Variants in AKAP4 observed in about 807,000 individuals in gnomAD.
AKAP4 encodes A-kinase anchoring protein 4, also known as A-kinase anchor protein 4.
AKAP4 carries 4 observed loss-of-function variants against 42.6 expected under a neutral mutation model. The ratio of observed to expected loss-of-function variants is 0.09; its 90% CI spans 0.05 to 0.22. AKAP4 has a LOEUF of 0.22. AKAP4 is among the 10% of genes least tolerant of loss of function. The probability of loss-of-function intolerance (pLI) is 1.00; values close to 1 mark genes in which losing one functional copy is unlikely to be tolerated. For synonymous variants in AKAP4, 223 were observed against 233.0 expected (o/e 0.96, Z 0.39); for missense variants, 551 against 630.7 (o/e 0.87, Z 1.35).
intron 3 of AKAP4, 76 bp from the exon 4 acceptor site, chrX:50,197,068 T>A: frequency 1.4e-6 from 1 of 704,913 alleles, no homozygotes; most frequent in Middle Eastern, 3.0e-4. Context: ...AGGCTATGAC[T>A]TCAAATCATG....
intron 5 of AKAP4, among the ~76,000 whole-genome samples, chrX:50,191,659 TGAGAGAGAGAAA>T: frequency 2.3e-5 from 1 of 43,628 alleles, no homozygotes; most frequent in South Asian, 1.8e-3. Context: ...TGTGTGTGTG[TGAGAGAGAGAAA>T]GAGAGAGAGA....
intron 2 of AKAP4, 150 bp downstream of exon 2, chrX:50,198,507 G>A: frequency 2.4e-6 from 1 of 420,816 alleles, no homozygotes; most frequent in Non-Finnish European, 4.2e-6. Context: ...TGTGATGTAT[G>A]AGCATGCTGG....
intron 1 of AKAP4, 54 bp from the exon 2 acceptor site, chrX:50,198,806 C>T (rs1277715430): frequency 2.1e-5 from 20 of 973,263 alleles, no homozygotes; most frequent in Non-Finnish European, 2.7e-5. Flanking sequence ...TTTTGGAAAC[C>T]GGGTCAATTT....
chrX:50,194,058 A>G lies in AKAP4; in HGVS notation c.655T>C (p.Phe219Leu). Residue 219 changes from phenylalanine to leucine, a missense_variant, in exon 5 of 6, where the codon TTC (phenylalanine) becomes CTC (leucine). Physicochemically the swap from Phe to Leu is conservative, Grantham distance 22. Coordinates refer to ENST00000358526, the MANE Select transcript of AKAP4 (RefSeq NM_003886.3). The part of the protein sequence containing the change: ...DGECSIDDLS[F>L]YVNRLSSLVI... The stretch of plus-strand genomic sequence containing the variant: ...AGAGAAGATAGTCGGTTGACGTAGA[A>G]GGAAAGGTCATCTATAGAACATTCT... The G allele has an allele frequency of 8.3e-7, 1 of 1,211,726 alleles. No homozygotes were observed. The highest frequency in any genetic ancestry group is 1.8e-5 in the South Asian group (1 of 56,965).
At chrX:50,191,619 G>GGGGT (rs1935109384) in intron 5 of AKAP4, among the ~76,000 whole-genome samples, 1 of 85,785 alleles carries the variant, frequency 1.2e-5, no homozygotes, top group South Asian at 6.7e-4. Flanking sequence ...CTGTCAGATA[G>GGGGT]GTGTGTGTGT....
chrX:50,191,143 T>C lies in AKAP4; in HGVS notation c.2410-28A>G, dbSNP rs782154734. 14 of 1,197,860 alleles carry C rather than the reference T, an allele frequency of 1.2e-5. No homozygotes were observed. The East Asian group carries it at 3.6e-4, about 31-fold the overall frequency. On this transcript the variant is annotated intron_variant, in intron 5 of 5. Coordinates refer to ENST00000358526, the MANE Select transcript of AKAP4 (RefSeq NM_003886.3). Reference sequence around the variant, plus strand: ...GTGGGGAAAACAGAGCTAGTGTGAGTTGCGTGATGCTTTTTGGAGGAAAGA... The same window carrying C: ...GTGGGGAAAACAGAGCTAGTGTGAGCTGCGTGATGCTTTTTGGAGGAAAGA...
At chrX:50,198,429 C>T (rs1935217913) in intron 2 of AKAP4, among the ~76,000 whole-genome samples, 1 of 110,072 alleles carries the variant, frequency 9.1e-6, no homozygotes, top group South Asian at 4.0e-4. Flanking sequence ...CAGGCTCCTC[C>T]CCAGCCTCCC....
At chrX:50,197,400 G>C in intron 3 of AKAP4, 144 bp downstream of exon 3, 2 of 477,754 alleles carry the variant, frequency 4.2e-6, no homozygotes, top group Non-Finnish European at 6.7e-6. Flanking sequence ...CAGGGATCTT[G>C]GGCTCATGAG....
chrX:50,195,368 C>T (rs191422647), intron 4 of AKAP4, among the ~76,000 whole-genome samples: 74 of 111,878 alleles, frequency 6.6e-4, no homozygotes, highest in Non-Finnish European at 1.1e-3. Flanking sequence ...TGTATCAATA[C>T]GAACAAACAA....
chrX:50,192,796 A>G lies in AKAP4; in HGVS notation c.1917T>C (p.Asn639=), dbSNP rs1434698701. 1.7e-6 allele frequency: 2 copies of G among 1,211,709 alleles called. No individual in the cohort carries two copies. Among genetic ancestry groups the G allele is most frequent in the Admixed American group, 2.2e-5 (1 of 46,026 alleles). ...IVLMLIQKLL[N]ENPFKCEDPC... Reference sequence around the variant, plus strand: ...GATCCTCACATTTGAAGGGGTTCTCATTAAGCAGTTTCTGAATCAGCATTA... The same window carrying G: ...GATCCTCACATTTGAAGGGGTTCTCGTTAAGCAGTTTCTGAATCAGCATTA... The change falls in exon 5 of 6, where the codon AAT becomes AAC. Residue 639 remains asparagine, a synonymous_variant. Transcript: ENST00000358526.
In AKAP4 at chrX:50,194,105, C is replaced by T. The variant is rs782403266; in HGVS notation, c.608G>A (p.Arg203Lys). 7.4e-6 allele frequency: 9 copies of T among 1,209,915 alleles called. No individual in the cohort carries two copies. The highest frequency in any genetic ancestry group is 1.0e-5 in the Non-Finnish European group (9 of 895,172). ...TTCTCCATCAGGGGAAATGACTGCT[C>T]TCTGAGTGCTAGGAGGTTTGGCTGG... is the stretch of plus-strand genomic sequence containing the variant. The part of the protein sequence containing the change: ...APPAKPPSTQ[R>K]AVISPDGECS... Residue 203 changes from arginine (R) to lysine (K), a missense_variant, in exon 5 of 6, where the codon AGA (arginine) becomes AAA (lysine). Coordinates refer to ENST00000358526, the MANE Select transcript of AKAP4 (RefSeq NM_003886.3).
In AKAP4 at chrX:50,193,890, C is replaced by T. The variant is rs1424637812; in HGVS notation, c.823G>A (p.Ala275Thr). 8.3e-7 allele frequency: 1 copy of T among 1,210,093 alleles called. No individual in the cohort carries two copies. The highest frequency in any genetic ancestry group is 1.1e-6 in the Non-Finnish European group (1 of 895,276). ...TPASKIASEM[A>T]YEAVELTAAE... ...GCTGTCAGTTCCACAGCTTCATAGG[C>T]CATTTCAGAAGCAATCTTGCTCGCA... is the stretch of plus-strand genomic sequence containing the variant. The change falls in exon 5 of 6, where the codon GCC (alanine) becomes ACC (threonine). Residue 275 changes from alanine to threonine, a missense_variant. Ala to Thr is a moderately conservative substitution (Grantham distance 58, BLOSUM62 0). Transcript: ENST00000358526.
In AKAP4 at chrX:50,192,432, C is replaced by T. The variant is rs782768579; in HGVS notation, c.2281G>A (p.Val761Ile). Residue 761 changes from valine to isoleucine, a missense_variant, in exon 5 of 6, where the codon GTC (valine) becomes ATC (isoleucine). Val to Ile is a conservative substitution (Grantham distance 29). Coordinates refer to ENST00000358526, the MANE Select transcript of AKAP4 (RefSeq NM_003886.3). ...CTATTTGTAGAGCACTGATTATTGACAATTACTTCATGTCCAAGAGAGTCT... is the reference window on the plus strand; with the variant it reads ...CTATTTGTAGAGCACTGATTATTGATAATTACTTCATGTCCAAGAGAGTCT... ...YQDSLGHEVI[V>I]NNQCSTNSLQ... 8.3e-7 allele frequency: 1 copy of T among 1,206,675 alleles called. No individual in the cohort carries two copies. Among genetic ancestry groups the T allele is most frequent in the Middle Eastern group, 2.3e-4 (1 of 4,349 alleles).
chrX:50,198,572 C>G (rs1284807532), intron 2 of AKAP4, 85 bp downstream of exon 2: 2 of 691,545 alleles, frequency 2.9e-6, no homozygotes, highest in African/African-American at 4.3e-5. Context: ...GTATCATCGT[C>G]CATTAGTTTA....
chrX:50,200,965 T>C lies in AKAP4; in HGVS notation c.-76A>G. On this transcript the variant is annotated 5_prime_UTR_variant, in exon 1 of 6. Coordinates refer to ENST00000358526, the MANE Select transcript of AKAP4 (RefSeq NM_003886.3). The stretch of plus-strand genomic sequence containing the variant: ...CTTCCAGTCTGCCTCAAGATACTGC[T>C]TTTTTCTTCAACTCTCCATGCCCTC... 2 of 1,041,470 alleles carry C rather than the reference T, an allele frequency of 1.9e-6. No individual in the cohort carries two copies. The highest frequency in any genetic ancestry group is 2.7e-6 in the Non-Finnish European group (2 of 742,951). The allele number at this position is 1,041,470 out of a possible 1,213,427, so 85.8% of individuals were successfully genotyped here.
intron 5 of AKAP4, among the ~76,000 whole-genome samples, chrX:50,191,622 G>GTGTGTGTA (rs1935109930): frequency 2.2e-5 from 1 of 46,405 alleles, no homozygotes; most frequent in African/African-American, 1.5e-4. Context: ...TCAGATAGGT[G>GTGTGTGTA]TGTGTGTGTG....
In AKAP4 at chrX:50,192,721, A is replaced by C; in HGVS notation, c.1992T>G (p.Ala664=). The change falls in exon 5 of 6, where the codon GCT becomes GCG. Residue 664 remains alanine (A), a synonymous_variant. Transcript: ENST00000358526. ...CTTTGTCAGATCTGTTGGACATGGAAGCTGCTTTGCTTGCCCTGGGCTCAG... is the reference window on the plus strand; with the variant it reads ...CTTTGTCAGATCTGTTGGACATGGACGCTGCTTTGCTTGCCCTGGGCTCAG... ...KCSEPRASKA[A]SMSNRSDKAE... 8.3e-7 allele frequency: 1 copy of C among 1,212,042 alleles called. No homozygotes were observed. Among genetic ancestry groups the C allele is most frequent in the East Asian group, 3.0e-5 (1 of 33,851 alleles).
chrX:50,190,815 A>T lies in AKAP4; in HGVS notation c.*145T>A. Reference sequence around the variant, plus strand: ...TTATTTTATTTCCCAGTTTGTTGACACCTCTTACATTCACAGGCAACTGCT... The same window carrying T: ...TTATTTTATTTCCCAGTTTGTTGACTCCTCTTACATTCACAGGCAACTGCT... On this transcript the variant is annotated 3_prime_UTR_variant, in exon 6 of 6. Transcript: ENST00000358526. 1.8e-6 allele frequency: 1 copy of T among 555,297 alleles called. No individual in the cohort carries two copies. Among genetic ancestry groups the T allele is most frequent in the Non-Finnish European group, 2.7e-6 (1 of 367,728 alleles). 45.8% of individuals were successfully genotyped at this position (555,297 alleles called of 1,213,427 possible). A position where few individuals can be genotyped will look rare whatever the true frequency, so the allele number is the denominator to read the frequency against.
intron 4 of AKAP4, 108 bp from the exon 5 acceptor site, chrX:50,194,544 A>T: frequency 1.6e-6 from 1 of 615,254 alleles, no homozygotes; most frequent in Non-Finnish European, 2.4e-6. Context: ...TGGAGTTTGT[A>T]TGGGAACGTA....
Sources: gnomAD v4.1 joint callset for allele counts (sites outside exome capture counted in the v4.1 genomes callset) on GRCh38, gnomAD v4.1.1 for gene constraint, MANE v1.5 for transcripts, NCBI Gene and HGNC (gene_info 2026-07-23, HGNC 2026-07-21) for gene names.